Variants in ZHX2 observed in about 807,000 individuals in gnomAD.
The protein encoded by ZHX2 is zinc fingers and homeoboxes 2.
In ZHX2, 6 loss-of-function variants were observed where a neutral mutation model predicts 21.9. The observed-to-expected ratio is 0.27, with a 90% CI of 0.15 to 0.54. The LOEUF (loss-of-function observed/expected upper bound fraction) is 0.54, where lower values mean the gene tolerates loss of function less well. Ranked by LOEUF, ZHX2 falls within the 20% of genes least tolerant of loss-of-function variation. The pLI is 0.95. For missense variants in ZHX2, 908 were observed against 1,090.7 expected (o/e 0.83, Z 2.36); for synonymous variants, 434 against 437.1 (o/e 0.99, Z 0.09).
chr8:122,946,172 T>C (rs1021726188), intron 2 of ZHX2, among the ~76,000 whole-genome samples: 2 of 152,212 alleles, frequency 1.3e-5, no homozygotes, highest in African/African-American at 4.8e-5. Context: ...GACCCAGGCA[T>C]ATCAGACCCG....
intron 2 of ZHX2, among the ~76,000 whole-genome samples, chr8:122,890,682 G>T (rs1819955959): frequency 6.6e-6 from 1 of 151,918 alleles, no homozygotes; most frequent in South Asian, 2.1e-4. Context: ...CACATCCTTG[G>T]TTAAATTTAT....
At chr8:122,917,912 A>C (rs527341484) in intron 2 of ZHX2, among the ~76,000 whole-genome samples, 2 of 152,222 alleles carry the variant, frequency 1.3e-5, no homozygotes, top group Non-Finnish European at 2.9e-5. Context: ...TAGTAAGGCC[A>C]TCAGGATTCT....
At chr8:122,810,633 A>G (rs1817907791) in intron 1 of ZHX2, 1 of 152,198 alleles carries the variant, frequency 6.6e-6, no homozygotes, top group Non-Finnish European at 1.5e-5. Context: ...GGATGTGTAT[A>G]CATTTTTTAT....
intron 2 of ZHX2, among the ~76,000 whole-genome samples, chr8:122,932,025 C>T (rs888650052): frequency 6.6e-6 from 1 of 152,278 alleles, no homozygotes; most frequent in African/African-American, 2.4e-5. Flanking sequence ...GGAGCAGAGG[C>T]AGTCATCATC....
rs11544921 is a variant in ZHX2 at position 122,973,733 on chromosome 8, T to C, written c.*496T>C. ...GCCATGATATCTACTGGATTTTAAGTAGGGAGACTTTATTTTTAAAGGTAG... is the reference window on the plus strand; with the variant it reads ...GCCATGATATCTACTGGATTTTAAGCAGGGAGACTTTATTTTTAAAGGTAG... On this transcript the variant is annotated 3_prime_UTR_variant, in exon 4 of 4. Transcript: ENST00000314393. The C allele has an allele frequency of 7.7e-3, 1,172 of 152,680 alleles. 5 individuals carry two copies. Among genetic ancestry groups the C allele is most frequent in the Non-Finnish European group, 0.013 (913 of 68,024 alleles). 9.5% of individuals were successfully genotyped at this position (152,680 alleles called of 1,614,324 possible).
At chr8:122,936,171 G>A (rs1812684369) in intron 2 of ZHX2, among the ~76,000 whole-genome samples, 1 of 152,210 alleles carries the variant, frequency 6.6e-6, no homozygotes, top group Admixed American at 6.5e-5. Context: ...AGAGTGGTAA[G>A]ATGCAGATTG....
chr8:122,909,727 C>T (rs1180069189), intron 2 of ZHX2, among the ~76,000 whole-genome samples: 2 of 152,184 alleles, frequency 1.3e-5, no homozygotes, highest in East Asian at 3.9e-4. Flanking sequence ...TCCTGATCTT[C>T]TGCACTCCAT....
chr8:122,932,545 G>A (rs1323143291), intron 2 of ZHX2, among the ~76,000 whole-genome samples: 8 of 152,088 alleles, frequency 5.3e-5, no homozygotes, highest in East Asian at 1.9e-4. Context: ...CTCCAGAATC[G>A]CTTGAACCCA....
chr8:122,849,444 G>A (rs1280603437), intron 1 of ZHX2, among the ~76,000 whole-genome samples: 1 of 152,182 alleles, frequency 6.6e-6, no homozygotes, highest in Admixed American at 6.5e-5. Context: ...TTCTGTCACA[G>A]TTCTGGAGGC....
At chr8:122,876,919 T>G (rs57298561) in intron 2 of ZHX2, among the ~76,000 whole-genome samples, 45,062 of 151,972 alleles carry the variant, frequency 0.3, 7,058 homozygotes, top group African/African-American at 0.4. Context: ...CTGCCCTCAA[T>G]GGGGGTGAAT....
chr8:122,800,200 G>C (rs1817690726), intron 1 of ZHX2, among the ~76,000 whole-genome samples: 1 of 152,178 alleles, frequency 6.6e-6, no homozygotes, highest in South Asian at 2.1e-4. Flanking sequence ...CTCCCTCCTA[G>C]CTCATCTGGT....
At chr8:122,897,783 G>C (rs1586370208) in intron 2 of ZHX2, among the ~76,000 whole-genome samples, 1 of 152,250 alleles carries the variant, frequency 6.6e-6, no homozygotes, top group South Asian at 2.1e-4. Context: ...TCAACTCTCT[G>C]GGTAACCAGA....
intron 2 of ZHX2, among the ~76,000 whole-genome samples, chr8:122,936,917 T>C (rs1812712781): frequency 6.6e-6 from 1 of 152,238 alleles, no homozygotes; most frequent in Non-Finnish European, 1.5e-5. Flanking sequence ...TAATTCTGAC[T>C]GCTGTACTTG....
intron 1 of ZHX2, among the ~76,000 whole-genome samples, chr8:122,802,853 C>A (rs1310823625): frequency 6.6e-6 from 1 of 152,142 alleles, no homozygotes; most frequent in Non-Finnish European, 1.5e-5. Flanking sequence ...CTGCTCTGGG[C>A]ATCCCTGTTT....
chr8:122,914,777 C>T (rs1202706090), intron 2 of ZHX2, among the ~76,000 whole-genome samples: 1 of 152,202 alleles, frequency 6.6e-6, no homozygotes, highest in East Asian at 1.9e-4. Context: ...TCATCTCCTT[C>T]TTGGACTTTT....
Position 122,789,730 on chromosome 8 carries a change from A to G in ZHX2, c.-283+7784A>G, listed in dbSNP as rs186539857. On this transcript the variant is annotated intron_variant, in intron 1 of 3. Coordinates refer to ENST00000314393, the MANE Select transcript of ZHX2 (RefSeq NM_014943.5). The stretch of plus-strand genomic sequence containing the variant: ...CCTCTGGCCAAGACATTAAGGGGAA[A>G]AGATGGGTTCCAGGCAGGAGAGGAT... 4.8e-3 allele frequency among the ~76,000 whole-genome samples: 734 copies of G among 152,334 alleles called. 7 individuals carry two copies. The highest frequency in any genetic ancestry group is 0.013 in the African/African-American group (558 of 41,568).
intron 2 of ZHX2, among the ~76,000 whole-genome samples, chr8:122,910,048 C>T (rs980293647): frequency 6.6e-6 from 1 of 152,022 alleles, no homozygotes; most frequent in South Asian, 2.1e-4. Flanking sequence ...AGACATCCTC[C>T]TTCCCTCTCT....
At chr8:122,961,703 A>G (rs1226565710) in intron 3 of ZHX2, among the ~76,000 whole-genome samples, 2 of 152,140 alleles carry the variant, frequency 1.3e-5, no homozygotes, top group Non-Finnish European at 2.9e-5. Context: ...GAACTCACTC[A>G]CTATCAGGAG....
intron 2 of ZHX2, among the ~76,000 whole-genome samples, chr8:122,950,798 C>T (rs1204837594): frequency 6.6e-6 from 1 of 150,728 alleles, no homozygotes; most frequent in African/African-American, 2.4e-5. Flanking sequence ...GGGGTGATTG[C>T]TTTTTTTTTC....
Sources: allele counts gnomAD v4.1 joint callset (sites outside exome capture counted in the v4.1 genomes callset), GRCh38; gene constraint gnomAD v4.1.1; transcripts MANE v1.5; gene names NCBI Gene and HGNC (gene_info 2026-07-23, HGNC 2026-07-21).